REDIC1: variants seen among roughly 807,000 people sequenced by gnomAD.
The protein encoded by REDIC1 is HEI10 Interacting Protein 1.
chr12:39,682,583 G>A, the REDIC1 span: 2 of 1,473,008 alleles, frequency 1.4e-6, no homozygotes, highest in Non-Finnish European at 1.8e-6. Context: ...TGCTTTTCTT[G>A]CTAAATATGT....
the REDIC1 span, among the ~76,000 whole-genome samples, chr12:39,702,498 C>A: frequency 6.6e-6 from 1 of 152,054 alleles, no homozygotes; most frequent in Non-Finnish European, 1.5e-5. Context: ...TGAATTCTAC[C>A]AGAGGTACAA....
At chr12:39,713,614 A>G in the REDIC1 span, among the ~76,000 whole-genome samples, 1 of 149,250 alleles carries the variant, frequency 6.7e-6, no homozygotes, top group Non-Finnish European at 1.5e-5. Flanking sequence ...ATACATATGT[A>G]TATACGCATG....
chr12:39,740,561 G>A, the REDIC1 span, among the ~76,000 whole-genome samples: 4 of 151,998 alleles, frequency 2.6e-5, no homozygotes, highest in African/African-American at 9.7e-5. Context: ...GATACATTAA[G>A]GTTTTATTCA....
the REDIC1 span, among the ~76,000 whole-genome samples, chr12:39,679,048 A>C: frequency 6.6e-6 from 1 of 152,180 alleles, no homozygotes; most frequent in African/African-American, 2.4e-5. Flanking sequence ...CAAGACAAGG[A>C]TGCCCACTTT....
At chr12:39,626,296 G>C in the REDIC1 span, 1 of 1,613,106 alleles carries the variant, frequency 6.2e-7, no homozygotes, top group Non-Finnish European at 8.5e-7. Context: ...AGATGTCTGA[G>C]CTCTAGACAC....
the REDIC1 span, among the ~76,000 whole-genome samples, chr12:39,877,330 A>G: frequency 6.6e-6 from 1 of 152,122 alleles, no homozygotes; most frequent in Non-Finnish European, 1.5e-5. Flanking sequence ...TATGCAGGGG[A>G]ACTACCCTTT....
At chr12:39,901,098 C>G in the REDIC1 span, among the ~76,000 whole-genome samples, 1 of 152,166 alleles carries the variant, frequency 6.6e-6, no homozygotes. Context: ...AAAGGATTCC[C>G]TATTTAATAA....
the REDIC1 span, among the ~76,000 whole-genome samples, chr12:39,878,211 T>C: frequency 2.6e-5 from 4 of 152,194 alleles, no homozygotes; most frequent in African/African-American, 9.7e-5. Flanking sequence ...AACAGCCTAA[T>C]ACAGAAAGTT....
chr12:39,890,125 A>G, the REDIC1 span, among the ~76,000 whole-genome samples: 61 of 152,236 alleles, frequency 4.0e-4, no homozygotes, highest in Non-Finnish European at 3.8e-4. Flanking sequence ...TAAGTCCTAA[A>G]TCAAGCAATT....
chr12:39,873,666 T>C, the REDIC1 span, among the ~76,000 whole-genome samples: 2 of 152,208 alleles, frequency 1.3e-5, no homozygotes, highest in South Asian at 4.1e-4. Flanking sequence ...GAAGCTATTT[T>C]GATGCTTTCA....
At chr12:39,749,107 T>G in the REDIC1 span, among the ~76,000 whole-genome samples, 6 of 151,938 alleles carry the variant, frequency 3.9e-5, no homozygotes, top group Non-Finnish European at 8.8e-5. Context: ...CAAAAAACCC[T>G]TCAAAAAATC....
chr12:39,816,981 T>C, the REDIC1 span, among the ~76,000 whole-genome samples: 5 of 152,272 alleles, frequency 3.3e-5, no homozygotes, highest in East Asian at 5.8e-4. Context: ...TGTTATCCCA[T>C]TGTGGGTTGG....
chr12:39,824,996 T>C, the REDIC1 span, among the ~76,000 whole-genome samples: 18 of 151,410 alleles, frequency 1.2e-4, no homozygotes, highest in Admixed American at 3.9e-4. Context: ...TGTGGGAGAG[T>C]GGTGAAATGC....
At chr12:39,883,344 T>C in the REDIC1 span, among the ~76,000 whole-genome samples, 2 of 152,164 alleles carry the variant, frequency 1.3e-5, no homozygotes, top group Non-Finnish European at 2.9e-5. Flanking sequence ...TGCCAGTTTG[T>C]GTTCCCAGGT....
At chr12:39,846,744 G>A in the REDIC1 span, among the ~76,000 whole-genome samples, 1 of 152,146 alleles carries the variant, frequency 6.6e-6, no homozygotes, top group South Asian at 2.1e-4. Flanking sequence ...GAGCCACAAT[G>A]CCCAGCCTCA....
At chr12:39,700,140 C>T in the REDIC1 span, among the ~76,000 whole-genome samples, 37 of 152,150 alleles carry the variant, frequency 2.4e-4, no homozygotes, top group Admixed American at 1.6e-3. Context: ...CAAATTACTC[C>T]GAGCTATGGG....
chr12:39,784,473 GA>G, the REDIC1 span, among the ~76,000 whole-genome samples: 2 of 152,322 alleles, frequency 1.3e-5, no homozygotes, highest in East Asian at 1.9e-4. Flanking sequence ...AAGAAATGGG[GA>G]AAGGATTCCC....
chr12:39,835,039 G>A, the REDIC1 span, among the ~76,000 whole-genome samples: 119 of 152,022 alleles, frequency 7.8e-4, no homozygotes, highest in Non-Finnish European at 1.4e-3. Flanking sequence ...ATGAATTTCG[G>A]TAAGGTTTTC....
chr12:39,684,909 G>A, the REDIC1 span: 1 of 1,612,026 alleles, frequency 6.2e-7, no homozygotes, highest in Non-Finnish European at 8.5e-7. Flanking sequence ...AGCAGTCATG[G>A]GACTTTGGAC....
Sources: allele counts gnomAD v4.1 joint callset (sites outside exome capture counted in the v4.1 genomes callset), GRCh38; gene constraint gnomAD v4.1.1; transcripts MANE v1.5; gene names NCBI Gene and HGNC (gene_info 2026-07-23, HGNC 2026-07-21).